TJAP1: variants seen among roughly 807,000 people sequenced by gnomAD.
TJAP1 encodes tight junction associated protein 1.
A neutral mutation model predicts 42.0 loss-of-function variants in TJAP1; 27 were observed. The observed-to-expected ratio is 0.64, with a 90% confidence interval of 0.47 to 0.89. TJAP1 has a LOEUF of 0.89. Ranked by LOEUF, TJAP1 falls within the 40% of genes least tolerant of loss-of-function variation. TJAP1 has a pLI of 0.00. For missense variants in TJAP1, 712 were observed against 726.9 expected (o/e 0.98, Z 0.24); for synonymous variants, 257 against 288.4 (o/e 0.89, Z 1.10).
At chr6:43,503,581 G>C in intron 9 of TJAP1, 42 bp from the exon 10 acceptor site, 1 of 1,611,848 alleles carries the variant, frequency 6.2e-7, no homozygotes, top group South Asian at 1.1e-5. Flanking sequence ...TGCTTCCTTG[G>C]AGAGGGCTGG....
intron 4 of TJAP1, 69 bp downstream of exon 4, chr6:43,499,169 T>C: frequency 1.0e-5 from 16 of 1,586,678 alleles, no homozygotes; most frequent in African/African-American, 1.3e-5. Context: ...TCTGGCTGAC[T>C]TCTCCTGCCT....
chr6:43,487,775 A>G (rs1786852783), intron 2 of TJAP1, among the ~76,000 whole-genome samples: 1 of 152,096 alleles, frequency 6.6e-6, no homozygotes, highest in Admixed American at 6.5e-5. Flanking sequence ...AAAAAGTAAG[A>G]AGATCCTCCC....
At chr6:43,500,607 A>G in intron 4 of TJAP1, 137 bp from the exon 5 acceptor site, 1 of 889,124 alleles carries the variant, frequency 1.1e-6, no homozygotes, top group South Asian at 1.4e-5. Context: ...TTCCATCCGT[A>G]GAGAGCCCTG....
At chr6:43,506,157 T>C (rs1339471300) in exon 11 of TJAP1, 2 of 306,134 alleles carry the variant, frequency 6.5e-6, no homozygotes, top group African/African-American at 4.3e-5. Context: ...GACTGGGCTT[T>C]TCTGGGGAGC....
At chr6:43,480,953 C>T (rs1785176792) in intron 2 of TJAP1, among the ~76,000 whole-genome samples, 1 of 152,084 alleles carries the variant, frequency 6.6e-6, no homozygotes, top group Non-Finnish European at 1.5e-5. Context: ...GTATTTGAAC[C>T]TAGGCATTCT....
intron 5 of TJAP1, chr6:43,501,040 C>T (rs897754021): frequency 3.1e-5 from 16 of 514,558 alleles, no homozygotes; most frequent in Non-Finnish European, 5.6e-5. Context: ...GGAGCCCTTC[C>T]CCAGCTCCTG....
At chr6:43,504,696 G>A (rs531925345) in intron 10 of TJAP1, 65 bp from the exon 11 acceptor site, 11 of 1,564,600 alleles carry the variant, frequency 7.0e-6, no homozygotes, top group African/African-American at 2.7e-5. Context: ...CATTACTTTC[G>A]CCATGAGTCA....
chr6:43,495,087 C>G lies in TJAP1; in HGVS notation c.-121-2794C>G, dbSNP rs1383900430. Among the ~76,000 whole-genome samples the G allele has an allele frequency of 1.3e-5, 2 of 152,242 alleles. No individual in the cohort carries two copies. The highest frequency in any genetic ancestry group is 4.8e-5 in the African/African-American group (2 of 41,460). ...TGGGAGTCCTCCTTGGGCTGAAACACTCCAAGGCAACTTGGGAAACCTTTG... is the reference window on the plus strand; with the variant it reads ...TGGGAGTCCTCCTTGGGCTGAAACAGTCCAAGGCAACTTGGGAAACCTTTG... On this transcript the variant is annotated intron_variant, in intron 2 of 10. Transcript: ENST00000372449. This position sits in a 1 kb window ranked among gnomAD's most constrained non-coding sequence, Gnocchi z 4.6.
intron 8 of TJAP1, 70 bp downstream of exon 8, chr6:43,502,687 GC>G: frequency 6.6e-7 from 1 of 1,518,594 alleles, no homozygotes; most frequent in Non-Finnish European, 9.0e-7. Flanking sequence ...GGGATTGTGG[GC>G]CCTGGCTGTT....
At chr6:43,487,506 G>A (rs1044075081) in intron 2 of TJAP1, among the ~76,000 whole-genome samples, 3 of 151,972 alleles carry the variant, frequency 2.0e-5, no homozygotes, top group African/African-American at 7.3e-5. Context: ...AGGGGAACTG[G>A]GTTATGTCCC....
At chr6:43,479,389 G>C (rs551643900) in intron 2 of TJAP1, among the ~76,000 whole-genome samples, 1 of 152,230 alleles carries the variant, frequency 6.6e-6, no homozygotes, top group Non-Finnish European at 1.5e-5. Context: ...CTGTGACTCT[G>C]TTTCTGAAGG....
At chr6:43,496,542 C>T (rs1007041371) in intron 2 of TJAP1, among the ~76,000 whole-genome samples, 2 of 152,220 alleles carry the variant, frequency 1.3e-5, no homozygotes, top group Admixed American at 6.5e-5. Context: ...CCTGTGCTGC[C>T]GCACCTCAGC....
rs1250651443 is a variant in TJAP1 at position 43,505,423 on chromosome 6, G to T, written c.1242G>T (p.Trp414Cys). ...CTGAAGAGGACCTGCTGGTCAGCTGGCAGCGGGCATTTGTGGACCGTACTC... is the reference window on the plus strand; with the variant it reads ...CTGAAGAGGACCTGCTGGTCAGCTGTCAGCGGGCATTTGTGGACCGTACTC... The change falls in exon 11 of 11, where the codon TGG (tryptophan) becomes TGT (cysteine). Residue 414 changes from tryptophan to cysteine, a missense_variant. By Grantham distance (215) the Trp-to-Cys change is radical. This residue lies in a region of TJAP1 where 549 missense variants were observed against 528.2 expected (regional missense o/e 1.04). Transcript: ENST00000372449. The surrounding 1 kb of genome is among the most constrained non-coding windows in gnomAD (Gnocchi z 5.5). The T allele has an allele frequency of 1.9e-6, 3 of 1,612,672 alleles. No homozygotes were observed. Among genetic ancestry groups the T allele is most frequent in the Non-Finnish European group, 2.5e-6 (3 of 1,179,984 alleles).
At chr6:43,502,371 C>A in intron 7 of TJAP1, 22 bp downstream of exon 7, 1 of 1,611,934 alleles carries the variant, frequency 6.2e-7, no homozygotes, top group Admixed American at 1.7e-5. Context: ...GGGAGGGCAG[C>A]TTGGTGGGCA....
rs1329263013 is a variant in TJAP1 at position 43,481,485 on chromosome 6, C to CG, written c.-122+3253_-122+3254insG. 3.5e-5 allele frequency among the ~76,000 whole-genome samples: 5 copies of CG among 141,844 alleles called. No individual in the cohort carries two copies. In the South Asian group the frequency reaches 9.2e-4, roughly 26 times the overall value. The allele number at this position is 141,844 out of a possible 152,430, so 93.1% of individuals were successfully genotyped here. On this transcript the variant is annotated intron_variant, in intron 2 of 10. Transcript: ENST00000372449. ...TTTTAAAAAATAGCAAGACATCACC[C>CG]CCCCCCCAAAAAAAAACTTAACAGT...
chr6:43,499,141 G>A, intron 4 of TJAP1, 41 bp downstream of exon 4: 1 of 1,608,388 alleles, frequency 6.2e-7, no homozygotes, highest in South Asian at 1.1e-5. Context: ...GCAGAGGCAA[G>A]GCCCCTGAGG....
At chr6:43,478,830 T>G (rs553317354) in intron 2 of TJAP1, 79 of 152,264 alleles carry the variant, frequency 5.2e-4, no homozygotes, top group African/African-American at 1.9e-3. Flanking sequence ...CAGTTTCTGG[T>G]AAGAGATCAA....
At position 43,503,608 on chromosome 6, in the gene TJAP1, G is replaced by C. The variant is rs186581183; in HGVS notation, c.496-15G>C. The C allele has an allele frequency of 1.4e-5, 23 of 1,613,820 alleles. No individual in the cohort carries two copies. The highest frequency in any genetic ancestry group is 2.2e-5 in the East Asian group (1 of 44,882). On this transcript the variant is annotated splice_polypyrimidine_tract_variant and intron_variant, in intron 9 of 10. Coordinates refer to ENST00000372449, the Ensembl canonical transcript of TJAP1. The stretch of plus-strand genomic sequence containing the variant: ...GAGGGCTGGGCTGGGCTCTGAAACA[G>C]GTCTGTGTCTGTAGGAGCGGTACCG...
At chr6:43,496,864 C>CA (rs1789289358) in intron 2 of TJAP1, 1 of 152,290 alleles carries the variant, frequency 6.6e-6, no homozygotes, top group East Asian at 1.9e-4. Flanking sequence ...CAGCTAATTA[C>CA]AGGTGGGGGC....
Sources: allele counts gnomAD v4.1 joint callset (sites outside exome capture counted in the v4.1 genomes callset), GRCh38; gene constraint gnomAD v4.1.1; regional missense constraint gnomAD v4.1.1; non-coding constraint Gnocchi (gnomAD v3.1); transcripts MANE v1.5; gene names NCBI Gene and HGNC (gene_info 2026-07-23, HGNC 2026-07-21).